The following C14orf39 variants were observed in gnomAD, a reference collection of about 807,000 sequenced individuals.
C14orf39 encodes chromosome 14 open reading frame 39, also known as protein SIX6OS1.
Under a neutral mutation model 85.6 loss-of-function variants are expected in C14orf39, and 66 were observed. The ratio of observed to expected loss-of-function variants is 0.77; its 90% CI spans 0.63 to 0.95. C14orf39 has a LOEUF of 0.95. Among genes scored for constraint, C14orf39 ranks in the 40% least tolerant of loss-of-function variants. The probability of loss-of-function intolerance (pLI) is 0.00; values close to 1 mark genes in which losing one functional copy is unlikely to be tolerated. For synonymous variants in C14orf39, 242 were observed against 214.0 expected (o/e 1.13, Z -1.14); for missense variants, 735 against 663.9 (o/e 1.11, Z -1.18).
upstream of C14orf39, among the ~76,000 whole-genome samples, chr14:60,489,329 C>T (rs1342422870): frequency 6.6e-6 from 1 of 152,180 alleles, no homozygotes. Flanking sequence ...TTTGTTAAGT[C>T]AAAACTTTGG....
rs540335632 is a variant in C14orf39 at position 60,454,927 on chromosome 14, T to C, written c.1503+74A>G. 443 of 1,193,500 alleles carry C rather than the reference T, an allele frequency of 3.7e-4. 5 individuals are homozygous for C. The African/African-American group carries it at 6.2e-3, about 17-fold the overall frequency. 73.9% of individuals were successfully genotyped at this position (1,193,500 alleles called of 1,614,324 possible). On this transcript the variant is annotated intron_variant, in intron 16 of 17. Transcript: ENST00000321731. Reference sequence around the variant, plus strand: ...GATAATCTGCCCCAAGACAGTTTTGTATTAAAGAACTAAAATTACTCAAAG... The same window carrying C: ...GATAATCTGCCCCAAGACAGTTTTGCATTAAAGAACTAAAATTACTCAAAG...
At position 60,437,009 on chromosome 14, in the gene C14orf39, T is replaced by C; in HGVS notation, c.1600A>G (p.Thr534Ala). The C allele has an allele frequency of 6.2e-7, 1 of 1,610,546 alleles. No individual in the cohort carries two copies. The highest frequency in any genetic ancestry group is 1.3e-5 in the African/African-American group (1 of 74,894). Residue 534 changes from threonine to alanine, a missense_variant, in exon 18 of 18, where the codon ACA becomes GCA. Thr to Ala is a moderately conservative substitution (Grantham distance 58). Coordinates refer to ENST00000321731, the MANE Select transcript of C14orf39 (RefSeq NM_174978.3). Reference protein sequence around the residue: ...LEKPEGEDGFTFSFPSDTSTH... With the variant: ...LEKPEGEDGFAFSFPSDTSTH... ...GAAGTGTCTGATGGAAAAGAAAATG[T>C]AAAGCCATCTTCTCCTTCTGGCTTC...
intron 5 of C14orf39, among the ~76,000 whole-genome samples, chr14:60,473,401 T>C (rs1187335935): frequency 6.6e-6 from 1 of 152,230 alleles, no homozygotes; most frequent in Non-Finnish European, 1.5e-5. Flanking sequence ...AGAAGCTCTT[T>C]ACTTTAATTA....
chr14:60,444,971 T>G (rs1890692056), intron 16 of C14orf39, among the ~76,000 whole-genome samples: 1 of 152,132 alleles, frequency 6.6e-6, no homozygotes, highest in South Asian at 2.1e-4. Context: ...CAAACTAACC[T>G]TCATAAGTGA....
upstream of C14orf39, among the ~76,000 whole-genome samples, chr14:60,488,878 C>G (rs1396556865): frequency 6.6e-6 from 1 of 152,052 alleles, no homozygotes; most frequent in Non-Finnish European, 1.5e-5. Context: ...CATTTAAACT[C>G]TCTGCAATCC....
At chr14:60,459,104 TA>T (rs1891405376) in intron 13 of C14orf39, among the ~76,000 whole-genome samples, 1 of 151,796 alleles carries the variant, frequency 6.6e-6, no homozygotes, top group East Asian at 1.9e-4. Flanking sequence ...TAATATAGCC[TA>T]TTTTTCCTGT....
chr14:60,478,314 A>G lies in C14orf39; in HGVS notation c.309T>C (p.Thr103=). ...AAGTACTATACTTGTCTTTTTCAAC[A>G]GTTCCTTGATAAACAGTAAATTGGT... ...MQDQFTVYQG[T]VEKDKEMYHD... is the part of the protein sequence containing the mutation. The change falls in exon 5 of 18, where the codon ACT becomes ACC. Residue 103 remains threonine (T), a synonymous_variant. Coordinates refer to ENST00000321731, the MANE Select transcript of C14orf39 (RefSeq NM_174978.3). 6.4e-7 allele frequency: 1 copy of G among 1,552,720 alleles called. No individual in the cohort carries two copies. Among genetic ancestry groups the G allele is most frequent in the Non-Finnish European group, 8.7e-7 (1 of 1,148,936 alleles).
At chr14:60,444,564 A>C (rs1257968985) in intron 16 of C14orf39, among the ~76,000 whole-genome samples, 1 of 152,208 alleles carries the variant, frequency 6.6e-6, no homozygotes, top group Non-Finnish European at 1.5e-5. Flanking sequence ...AAGACCAAAT[A>C]TACGTTTGAT....
At chr14:60,445,446 C>A (rs1890718497) in intron 16 of C14orf39, among the ~76,000 whole-genome samples, 1 of 152,072 alleles carries the variant, frequency 6.6e-6, no homozygotes, top group African/African-American at 2.4e-5. Flanking sequence ...TTTAAACCAA[C>A]AAAGATCAAA....
intron 2 of C14orf39, among the ~76,000 whole-genome samples, chr14:60,498,177 A>G (rs1224478520): frequency 2.6e-5 from 4 of 152,204 alleles, no homozygotes; most frequent in Non-Finnish European, 4.4e-5. Context: ...TTTCTTATAC[A>G]GATTTTGTTT....
chr14:60,457,731 C>T (rs1891343483), intron 14 of C14orf39, among the ~76,000 whole-genome samples: 1 of 152,002 alleles, frequency 6.6e-6, no homozygotes, highest in Non-Finnish European at 1.5e-5. Context: ...ATACTACTTG[C>T]TGTTTCTCTT....
upstream of C14orf39, among the ~76,000 whole-genome samples, chr14:60,486,666 G>A (rs1385811525): frequency 2.6e-5 from 4 of 152,168 alleles, no homozygotes; most frequent in South Asian, 6.2e-4. Flanking sequence ...GTCCTCCAAA[G>A]TGCCTCAATC....
chr14:60,498,576 G>A (rs1044219909), intron 2 of C14orf39, among the ~76,000 whole-genome samples: 2 of 152,188 alleles, frequency 1.3e-5, no homozygotes, highest in Non-Finnish European at 2.9e-5. Context: ...TTTAAACAAT[G>A]CTAAATGTTA....
At chr14:60,492,302 T>C (rs1294315554) in intron 2 of C14orf39, among the ~76,000 whole-genome samples, 1 of 152,198 alleles carries the variant, frequency 6.6e-6, no homozygotes, top group Non-Finnish European at 1.5e-5. Flanking sequence ...CATTGTTTCA[T>C]CATTTGCTCA....
intron 16 of C14orf39, among the ~76,000 whole-genome samples, chr14:60,450,607 G>A (rs1890986680): frequency 6.6e-6 from 1 of 152,178 alleles, no homozygotes; most frequent in African/African-American, 2.4e-5. Context: ...TGAAGGGATG[G>A]ACACAAATCT....
chr14:60,460,130 A>C (rs1293723057), intron 13 of C14orf39, among the ~76,000 whole-genome samples: 1 of 151,078 alleles, frequency 6.6e-6, no homozygotes, highest in Non-Finnish European at 1.5e-5. Context: ...ATTCTTCAAA[A>C]GCTGGGTTTG....
chr14:60,473,318 G>C (rs1200231916), intron 5 of C14orf39, among the ~76,000 whole-genome samples: 1 of 152,164 alleles, frequency 6.6e-6, no homozygotes, highest in Non-Finnish European at 1.5e-5. Flanking sequence ...TTTCTCAGAT[G>C]AGTAGATTGC....
At chr14:60,492,248 A>AAAGTTATGG (rs1385912482) in intron 2 of C14orf39, among the ~76,000 whole-genome samples, 1 of 152,222 alleles carries the variant, frequency 6.6e-6, no homozygotes, top group Non-Finnish European at 1.5e-5. Flanking sequence ...TCTCCACCCT[A>AAAGTTATGG]AAGTTATGGC....
intron 5 of C14orf39, among the ~76,000 whole-genome samples, chr14:60,473,852 G>A (rs1235487687): frequency 6.6e-6 from 1 of 152,122 alleles, no homozygotes; most frequent in Non-Finnish European, 1.5e-5. Flanking sequence ...CTCCAGCTTT[G>A]TTCTTTTGGC....
Sources: allele counts gnomAD v4.1 joint callset (sites outside exome capture counted in the v4.1 genomes callset), GRCh38; gene constraint gnomAD v4.1.1; transcripts MANE v1.5; gene names NCBI Gene and HGNC (gene_info 2026-07-23, HGNC 2026-07-21).